Variants in USH2A observed in about 807,000 individuals in gnomAD.
USH2A encodes the protein Usher syndrome 2A (autosomal recessive, mild).
Under a neutral mutation model 538.9 loss-of-function variants are expected in USH2A, and 443 were observed. The ratio of observed to expected loss-of-function variants is 0.82; its 90% CI spans 0.76 to 0.89. The LOEUF (loss-of-function observed/expected upper bound fraction) is 0.89, where lower values mean the gene tolerates loss of function less well. USH2A is among the 40% of genes least tolerant of loss of function. USH2A has a pLI of 0.00. For synonymous variants in USH2A, 2,413 were observed against 2,273.5 expected (o/e 1.06, Z -1.75); for missense variants, 6,633 against 6,324.8 (o/e 1.05, Z -1.65).
At chr1:216,102,693 G>C (rs2032619316) in intron 21 of USH2A, among the ~76,000 whole-genome samples, 2 of 151,990 alleles carry the variant, frequency 1.3e-5, no homozygotes, top group Admixed American at 6.6e-5. Flanking sequence ...CCAGCTACTC[G>C]GGAGGCTGAG....
At chr1:215,752,658 C>G (rs1488463257) in intron 58 of USH2A, among the ~76,000 whole-genome samples, 2 of 152,044 alleles carry the variant, frequency 1.3e-5, no homozygotes, top group Non-Finnish European at 2.9e-5. Context: ...TGGATATTTT[C>G]CCTTCAGGGG....
chr1:215,741,429 T>G lies in USH2A; in HGVS notation c.11657A>C (p.Lys3886Thr), dbSNP rs753983673. 1 of 1,614,104 alleles carries G rather than the reference T, an allele frequency of 6.2e-7. No individual in the cohort carries two copies. The highest frequency in any genetic ancestry group is 2.2e-5 in the East Asian group (1 of 44,858). ...KALGSACIEI[K>T]WMPPEKPNGI... ...ATTTGGTTTTTCAGGTGGCATCCAC[T>G]TAATCTCTATGCAAGCTGACCCCAG... is the stretch of plus-strand genomic sequence containing the variant. The change falls in exon 60 of 72, where the codon AAG becomes ACG. Residue 3886 changes from lysine to threonine, a missense_variant. Transcript: ENST00000307340.
intron 44 of USH2A, among the ~76,000 whole-genome samples, chr1:215,859,855 G>C (rs1466806605): frequency 6.6e-6 from 1 of 152,172 alleles, no homozygotes; most frequent in Non-Finnish European, 1.5e-5. Context: ...AGCAAAGGGG[G>C]ATCAAGGGTT....
intron 11 of USH2A, among the ~76,000 whole-genome samples, chr1:216,261,350 T>C (rs192742928): frequency 3.7e-4 from 56 of 151,582 alleles, no homozygotes; most frequent in African/African-American, 1.3e-3. Context: ...CATAGTGGCA[T>C]GTGCTTGTAG....
intron 32 of USH2A, among the ~76,000 whole-genome samples, chr1:216,017,476 T>C (rs1450094685): frequency 6.6e-6 from 1 of 152,246 alleles, no homozygotes; most frequent in African/African-American, 2.4e-5. Context: ...GGTTTTTCTC[T>C]CAGAATTAGT....
chr1:216,137,531 C>A (rs1298699225), intron 21 of USH2A, among the ~76,000 whole-genome samples: 1 of 152,062 alleles, frequency 6.6e-6, no homozygotes, highest in African/African-American at 2.4e-5. Flanking sequence ...GCCTGCAGAC[C>A]GAGGAGCAAG....
intron 21 of USH2A, among the ~76,000 whole-genome samples, chr1:216,104,523 T>C (rs547100683): frequency 6.6e-6 from 1 of 152,266 alleles, no homozygotes; most frequent in South Asian, 2.1e-4. Flanking sequence ...GCCACATATG[T>C]ACAACCATCT....
Position 216,278,262 on chromosome 1 carries a change from G to A in USH2A, c.1971+11018C>T, listed in dbSNP as rs2036707848. Among the ~76,000 whole-genome samples, 11 of 152,060 alleles carry A rather than the reference G, an allele frequency of 7.2e-5. No homozygotes were observed. The South Asian group carries it at 2.3e-3, about 32-fold the overall frequency. ...GATGTCAGATGTATTCAAACATGTG[G>A]AACTCAACATAAACTGGAGGCTAAG... On this transcript the variant is annotated intron_variant, in intron 11 of 71. Transcript: ENST00000307340.
intron 61 of USH2A, among the ~76,000 whole-genome samples, chr1:215,718,798 A>C (rs1240573150): frequency 1.3e-5 from 2 of 152,230 alleles, no homozygotes; most frequent in Non-Finnish European, 2.9e-5. Flanking sequence ...ACAAGAGCAG[A>C]GTAGTTCAAT....
intron 2 of USH2A, 100 bp downstream of exon 2, chr1:216,421,752 T>C: frequency 6.3e-7 from 1 of 1,576,698 alleles, no homozygotes; most frequent in Non-Finnish European, 8.7e-7. Flanking sequence ...CCATGAATTC[T>C]ATATAGCCTT....
chr1:215,902,390 AATTC>A (rs1665525155), intron 38 of USH2A, among the ~76,000 whole-genome samples: 1 of 152,184 alleles, frequency 6.6e-6, no homozygotes, highest in African/African-American at 2.4e-5. Context: ...GTTCATTAAT[AATTC>A]ATTCATTTGT....
At chr1:215,669,802 T>C (rs931696370) in intron 64 of USH2A, among the ~76,000 whole-genome samples, 5 of 152,246 alleles carry the variant, frequency 3.3e-5, no homozygotes, top group Admixed American at 6.5e-5. Context: ...GTCCCATACA[T>C]TATTGTCCTA....
chr1:215,650,909 A>T (rs753132748), intron 64 of USH2A, 108 bp from the exon 65 acceptor site: 38 of 1,184,978 alleles, frequency 3.2e-5, no homozygotes, highest in Non-Finnish European at 4.5e-5. Context: ...AAAGCAACTA[A>T]ACACAACAGG....
chr1:216,187,812 C>A (rs143344593), intron 20 of USH2A, among the ~76,000 whole-genome samples: 1 of 151,924 alleles, frequency 6.6e-6, no homozygotes, highest in African/African-American at 2.4e-5. Flanking sequence ...CATCAGAACC[C>A]TACAAATAAG....
chr1:215,821,166 A>C (rs7556611), intron 47 of USH2A, among the ~76,000 whole-genome samples: 59,500 of 151,540 alleles, frequency 0.39, 12,080 homozygotes, highest in Admixed American at 0.52. Flanking sequence ...ACCCCCATAC[A>C]ATATTCTATA....
intron 41 of USH2A, among the ~76,000 whole-genome samples, chr1:215,881,513 T>C (rs1664908818): frequency 6.6e-6 from 1 of 152,206 alleles, no homozygotes; most frequent in South Asian, 2.1e-4. Context: ...AGACCACATT[T>C]ATTATTGTAT....
chr1:215,838,088 T>C lies in USH2A; in HGVS notation c.9274A>G (p.Ile3092Val), dbSNP rs769247025. The change falls in exon 47 of 72, where the codon ATA becomes GTA. Residue 3092 changes from isoleucine to valine, a missense_variant. Physicochemically the swap from Ile to Val is conservative, Grantham distance 29 (BLOSUM62 3). Transcript: ENST00000307340. ...CCATTGCTTTTCACGCAGGCATATA[T>C]TGTGCAGACTTCAACCTGCAAACAT... ...IYDIQVEVCT[I>V]YACVKSNGTQ... is the part of the protein sequence containing the mutation. The C allele has an allele frequency of 6.2e-7, 1 of 1,613,944 alleles. No homozygotes were observed. Among genetic ancestry groups the C allele is most frequent in the South Asian group, 1.1e-5 (1 of 91,084 alleles).
At chr1:216,131,382 C>A (rs553999248) in intron 21 of USH2A, among the ~76,000 whole-genome samples, 30 of 151,972 alleles carry the variant, frequency 2.0e-4, no homozygotes, top group African/African-American at 7.2e-4. Context: ...GAAATCCTTG[C>A]CTAAACCAAT....
intron 3 of USH2A, among the ~76,000 whole-genome samples, chr1:216,391,962 GC>G (rs1193040880): frequency 6.6e-6 from 1 of 152,052 alleles, no homozygotes; most frequent in African/African-American, 2.4e-5. Context: ...ATCTCTCTAT[GC>G]CTCAGTAGTC....
Sources: allele counts gnomAD v4.1 joint callset (sites outside exome capture counted in the v4.1 genomes callset), GRCh38; gene constraint gnomAD v4.1.1; transcripts MANE v1.5; gene names NCBI Gene and HGNC (gene_info 2026-07-23, HGNC 2026-07-21).